The following RGSL1 variants were observed in gnomAD, a reference collection of about 807,000 sequenced individuals.
RGSL1 encodes regulator of G protein signaling like 1.
A neutral mutation model predicts 124.7 loss-of-function variants in RGSL1; 97 were observed. The observed-to-expected ratio is 0.78, with a 90% CI of 0.66 to 0.92. The LOEUF (loss-of-function observed/expected upper bound fraction) is 0.92, where lower values mean the gene tolerates loss of function less well. RGSL1 is among the 40% of genes least tolerant of loss of function. The pLI, the probability that RGSL1 is intolerant of heterozygous loss-of-function variation, is 0.00. For synonymous variants in RGSL1, 424 were observed against 438.1 expected (o/e 0.97, Z 0.40); for missense variants, 1,233 against 1,288.4 (o/e 0.96, Z 0.66).
chr1:182,535,340 T>G (rs1203006606), intron 14 of RGSL1, among the ~76,000 whole-genome samples: 1 of 152,212 alleles, frequency 6.6e-6, no homozygotes, highest in African/African-American at 2.4e-5. Context: ...TCCACTCCAT[T>G]AATCTTACTG....
At chr1:182,478,950 G>A (rs905547504) in intron 6 of RGSL1, among the ~76,000 whole-genome samples, 4 of 152,096 alleles carry the variant, frequency 2.6e-5, no homozygotes, top group Non-Finnish European at 5.9e-5. Context: ...TATGCTGAAG[G>A]AAAGAAAAGG....
upstream of RGSL1, chr1:182,450,067 A>C: frequency 7.2e-6 from 10 of 1,395,906 alleles, no homozygotes; most frequent in South Asian, 1.2e-5. Flanking sequence ...GGAACCCCTT[A>C]GAGAAGGTGT....
intron 11 of RGSL1, among the ~76,000 whole-genome samples, chr1:182,530,018 G>A (rs1333273801): frequency 6.6e-6 from 1 of 152,046 alleles, no homozygotes; most frequent in African/African-American, 2.4e-5. Context: ...CTGCAAATTT[G>A]AATGAAACTA....
intron 14 of RGSL1, among the ~76,000 whole-genome samples, chr1:182,534,121 A>G (rs1216777874): frequency 2.6e-5 from 4 of 152,238 alleles, no homozygotes; most frequent in Non-Finnish European, 5.9e-5. Context: ...CAAAAGATAC[A>G]TATTTTGCAA....
At position 182,548,190 on chromosome 1, in the gene RGSL1, A is replaced by G. The variant is rs377617656; in HGVS notation, c.2670-127A>G. On this transcript the variant is annotated intron_variant, in intron 15 of 21. Transcript: ENST00000294854. ...ATGGATGAATTATGACTGAATGAAT[A>G]AAGTCACAACCTGGCCTAGAACTGG... is the stretch of plus-strand genomic sequence containing the variant. 8.3e-4 allele frequency: 768 copies of G among 925,034 alleles called. 1 individual carries two copies. Among genetic ancestry groups the G allele is most frequent in the South Asian group, 1.2e-3 (83 of 67,084 alleles). 57.3% of individuals were successfully genotyped at this position (925,034 alleles called of 1,614,324 possible). A position where few individuals can be genotyped will look rare whatever the true frequency, so the allele number is the denominator to read the frequency against.
At chr1:182,460,643 A>T (rs1021579100) in intron 4 of RGSL1, 16 of 455,894 alleles carry the variant, frequency 3.5e-5, no homozygotes, top group African/African-American at 3.0e-4. Flanking sequence ...TGAGCCTCTT[A>T]AAAAGTAATT....
chr1:182,485,303 G>C (rs960420203), intron 6 of RGSL1, among the ~76,000 whole-genome samples: 8 of 152,054 alleles, frequency 5.3e-5, no homozygotes, highest in Admixed American at 1.3e-4. Context: ...TGTTCATCAG[G>C]GTTTCTGTTA....
intron 2 of RGSL1, among the ~76,000 whole-genome samples, chr1:182,456,625 A>C (rs1335029873): frequency 6.6e-6 from 1 of 152,182 alleles, no homozygotes; most frequent in African/African-American, 2.4e-5. Context: ...CCCGTTAATC[A>C]GTCAATTCAC....
chr1:182,552,707 G>C (rs939500375), intron 18 of RGSL1, among the ~76,000 whole-genome samples: 10 of 152,182 alleles, frequency 6.6e-5, no homozygotes, highest in African/African-American at 2.4e-4. Context: ...TGATTCAGGG[G>C]ACGGGGAAGT....
intron 4 of RGSL1, among the ~76,000 whole-genome samples, chr1:182,467,344 A>G (rs952299022): frequency 3.9e-5 from 6 of 152,230 alleles, no homozygotes; most frequent in Non-Finnish European, 5.9e-5. Context: ...AGCTGGAGGC[A>G]TCATGTTATC....
intron 4 of RGSL1, among the ~76,000 whole-genome samples, chr1:182,466,004 C>A (rs1653293146): frequency 6.6e-6 from 1 of 151,816 alleles, no homozygotes; most frequent in African/African-American, 2.4e-5. Context: ...GCAAGGACAC[C>A]TCAATATACG....
At chr1:182,552,343 T>C (rs1660617092) in intron 18 of RGSL1, among the ~76,000 whole-genome samples, 1 of 152,128 alleles carries the variant, frequency 6.6e-6, no homozygotes, top group Admixed American at 6.5e-5. Flanking sequence ...CTCGATCTCC[T>C]GACCTTGTGA....
chr1:182,527,467 T>C, intron 10 of RGSL1, 112 bp from the exon 11 acceptor site: 1 of 833,886 alleles, frequency 1.2e-6, no homozygotes, highest in Non-Finnish European at 1.9e-6. Flanking sequence ...GCTTTTCACA[T>C]ATGGCTAAAG....
intron 6 of RGSL1, among the ~76,000 whole-genome samples, chr1:182,475,632 C>T (rs1241628893): frequency 6.6e-6 from 1 of 152,064 alleles, no homozygotes; most frequent in African/African-American, 2.4e-5. Context: ...AACTAGTTCA[C>T]AGTGATCTAG....
intron 4 of RGSL1, among the ~76,000 whole-genome samples, chr1:182,461,711 T>C (rs1652852452): frequency 6.6e-6 from 1 of 151,696 alleles, no homozygotes. Context: ...ACAACTAAAA[T>C]GAAAATTCTA....
intron 9 of RGSL1, among the ~76,000 whole-genome samples, chr1:182,493,960 C>T (rs989976359): frequency 6.6e-6 from 1 of 152,168 alleles, no homozygotes; most frequent in African/African-American, 2.4e-5. Context: ...GAAAGGCAGG[C>T]TCACATTACT....
At chr1:182,513,374 A>T (rs1657614092) in intron 9 of RGSL1, among the ~76,000 whole-genome samples, 1 of 152,216 alleles carries the variant, frequency 6.6e-6, no homozygotes, top group African/African-American at 2.4e-5. Context: ...GAGAGAAAAA[A>T]AAGATTTATA....
At chr1:182,558,138 AAACTT>A (rs1429516359) in intron 21 of RGSL1, among the ~76,000 whole-genome samples, 1 of 152,238 alleles carries the variant, frequency 6.6e-6, no homozygotes, top group African/African-American at 2.4e-5. Flanking sequence ...AGTTAAAACA[AAACTT>A]AGTTAGGGAC....
chr1:182,529,199 A>G lies in RGSL1; in HGVS notation c.2126-1045A>G, dbSNP rs575329899. Among the ~76,000 whole-genome samples, 3 of 152,352 alleles carry G rather than the reference A, an allele frequency of 2.0e-5. No individual in the cohort carries two copies. The South Asian group carries it at 6.2e-4, about 32-fold the overall frequency. ...TTTAATTTTATTTAATTCTAAAAAT[A>G]GAATTTTATTTAATCCCTGTAATAT... On this transcript the variant is annotated intron_variant, in intron 11 of 21. Coordinates refer to ENST00000294854, the MANE Select transcript of RGSL1 (RefSeq NM_001137669.2).
Sources: allele counts gnomAD v4.1 joint callset (sites outside exome capture counted in the v4.1 genomes callset), GRCh38; gene constraint gnomAD v4.1.1; transcripts MANE v1.5; gene names NCBI Gene and HGNC (gene_info 2026-07-23, HGNC 2026-07-21).